Variants in FAM135B observed in about 807,000 individuals in gnomAD.
The protein encoded by FAM135B is protein FAM135B.
Under a neutral mutation model 127.7 loss-of-function variants are expected in FAM135B, and 43 were observed. The ratio of observed to expected loss-of-function variants is 0.34; its 90% confidence interval spans 0.26 to 0.43. FAM135B has a LOEUF of 0.43. FAM135B is among the 20% of genes least tolerant of loss of function. The pLI is 1.00. For missense variants in FAM135B, 1,558 were observed against 1,725.6 expected, an observed-to-expected ratio of 0.90 and a Z score of 1.72; for synonymous variants, 670 against 665.1, an observed-to-expected ratio of 1.01 and a Z score of -0.11.
intron 3 of FAM135B, among the ~76,000 whole-genome samples, chr8:138,278,543 T>C (rs1171355886): frequency 2.7e-5 from 4 of 146,160 alleles, no homozygotes; most frequent in South Asian, 4.4e-4. Flanking sequence ...TTTCCTATTA[T>C]AAGAACATGA....
At chr8:138,477,806 A>T (rs1676403419) in intron 1 of FAM135B, among the ~76,000 whole-genome samples, 1 of 152,226 alleles carries the variant, frequency 6.6e-6, no homozygotes, top group South Asian at 2.1e-4. Flanking sequence ...CCTGATTCAA[A>T]GAAATAAACT....
intron 5 of FAM135B, among the ~76,000 whole-genome samples, chr8:138,251,813 T>C (rs7828974): frequency 0.021 from 3,192 of 152,198 alleles, 81 homozygotes; most frequent in East Asian, 0.083. Flanking sequence ...AACCAGTCAT[T>C]TGGGCTGGGC....
intron 7 of FAM135B, 57 bp from the exon 8 acceptor site, chr8:138,197,726 C>T (rs2131142635): frequency 6.3e-7 from 1 of 1,585,046 alleles, no homozygotes; most frequent in Non-Finnish European, 8.6e-7. Context: ...CCAGGCAGCA[C>T]AGGGCTGTGA....
chr8:138,215,696 A>G (rs1311176033), intron 7 of FAM135B, among the ~76,000 whole-genome samples: 1 of 152,246 alleles, frequency 6.6e-6, no homozygotes, highest in Non-Finnish European at 1.5e-5. Flanking sequence ...ATCATGTTGC[A>G]TTAATTGATA....
At chr8:138,351,349 G>A (rs1331242668) in intron 2 of FAM135B, among the ~76,000 whole-genome samples, 1 of 152,142 alleles carries the variant, frequency 6.6e-6, no homozygotes, top group African/African-American at 2.4e-5. Context: ...GGGGAAGTTT[G>A]GACACAGAGG....
chr8:138,395,243 C>T (rs1304959673), intron 1 of FAM135B, among the ~76,000 whole-genome samples: 1 of 152,234 alleles, frequency 6.6e-6, no homozygotes. Context: ...CATTATCTCT[C>T]CTCTGTAGCC....
At chr8:138,332,363 G>A (rs61630821) in intron 2 of FAM135B, among the ~76,000 whole-genome samples, 3,733 of 152,136 alleles carry the variant, frequency 0.025, 68 homozygotes, top group East Asian at 0.12. Context: ...AAATATTTGC[G>A]TTTGCTACAA....
intron 2 of FAM135B, among the ~76,000 whole-genome samples, chr8:138,333,240 C>A (rs1828317200): frequency 6.6e-6 from 1 of 152,124 alleles, no homozygotes; most frequent in Admixed American, 6.5e-5. Context: ...GACAACTAAA[C>A]CTCGGACCCT....
Position 138,181,828 on chromosome 8 carries a change from G to A in FAM135B, c.874-3138C>T, listed in dbSNP as rs966902825. 3.3e-5 allele frequency among the ~76,000 whole-genome samples: 5 copies of A among 152,048 alleles called. No individual in the cohort carries two copies. In the East Asian group the frequency reaches 5.8e-4, roughly 18 times the overall value. ...GTGTAAGTCTAAGATCCTTCTTGAC[G>A]TCTACTTGACCTGCACGGGCACCAC... On this transcript the variant is annotated intron_variant, in intron 9 of 19. Transcript: ENST00000395297.
intron 1 of FAM135B, among the ~76,000 whole-genome samples, chr8:138,403,248 CCCT>C (rs1833252052): frequency 6.6e-6 from 1 of 152,144 alleles, no homozygotes. Context: ...CCCCTTCTCT[CCCT>C]CTTCCCATTC....
In FAM135B at chr8:138,255,948, C is replaced by A. The variant is rs146329246; in HGVS notation, c.368+741G>T. On this transcript the variant is annotated intron_variant, in intron 5 of 19. Coordinates refer to ENST00000395297, the MANE Select transcript of FAM135B (RefSeq NM_015912.4). ...GGGGGATATGAAGCCCCCTACCATG[C>A]CCTGTTCCTACACTGGGAGTTTTCT... 2.0e-5 allele frequency among the ~76,000 whole-genome samples: 3 copies of A among 152,260 alleles called. No individual in the cohort carries two copies. The East Asian group carries it at 5.8e-4, about 29-fold the overall frequency.
intron 1 of FAM135B, among the ~76,000 whole-genome samples, chr8:138,493,681 A>G (rs1364136124): frequency 6.6e-6 from 1 of 152,244 alleles, no homozygotes; most frequent in African/African-American, 2.4e-5. Context: ...GTGAAATTAG[A>G]CAAGGATTTT....
rs2130904306 is a variant in FAM135B, at chr8:138,168,067, G to A, written c.1104-18C>T. 6.2e-7 allele frequency: 1 copy of A among 1,603,930 alleles called. No individual in the cohort carries two copies. The stretch of plus-strand genomic sequence containing the variant: ...TCTGTATCCTGGGGAGCACATGGCA[G>A]GGTGAGCGTCCAGGGAAGAGTCAGA... On this transcript the variant is annotated intron_variant, in intron 11 of 19. Coordinates refer to ENST00000395297, the MANE Select transcript of FAM135B (RefSeq NM_015912.4).
rs763921039 is a variant in FAM135B, at chr8:138,151,274, G to C, written c.3201C>G (p.Thr1067=). 6.2e-7 allele frequency: 1 copy of C among 1,613,364 alleles called. No homozygotes were observed. Among genetic ancestry groups the C allele is most frequent in the Non-Finnish European group, 8.5e-7 (1 of 1,179,766 alleles). ...FSSKQTLFPI[T]HQPLGSFGVV... ...CTCCAAAGGATCCCAAAGGCTGATGGGTGATGGGAAACAGGGTCTGTTTGG... is the reference window on the plus strand; with the variant it reads ...CTCCAAAGGATCCCAAAGGCTGATGCGTGATGGGAAACAGGGTCTGTTTGG... The change falls in exon 13 of 20, where the codon ACC becomes ACG. Residue 1067 remains threonine (T), a synonymous_variant. Transcript: ENST00000395297.
intron 3 of FAM135B, among the ~76,000 whole-genome samples, chr8:138,307,599 T>C (rs965560968): frequency 1.3e-5 from 2 of 152,144 alleles, no homozygotes; most frequent in Admixed American, 1.3e-4. Flanking sequence ...TTTTATTAAC[T>C]GATAATATTA....
At chr8:138,470,026 G>A (rs1306430960) in intron 1 of FAM135B, among the ~76,000 whole-genome samples, 2 of 152,100 alleles carry the variant, frequency 1.3e-5, no homozygotes, top group Non-Finnish European at 2.9e-5. Flanking sequence ...CATTCTCCTC[G>A]ACATGGAGTA....
chr8:138,175,610 A>G (rs1489604411), intron 11 of FAM135B, among the ~76,000 whole-genome samples: 1 of 152,240 alleles, frequency 6.6e-6, no homozygotes, highest in East Asian at 1.9e-4. Flanking sequence ...GAAACTGGCC[A>G]TTGTGAAAAC....
intron 3 of FAM135B, among the ~76,000 whole-genome samples, chr8:138,289,135 T>A (rs10875423): frequency 0.68 from 103,828 of 152,118 alleles, 37,677 homozygotes; most frequent in Non-Finnish European, 0.83. Context: ...ACAGGTCCAG[T>A]TTCTCTGTAG....
intron 2 of FAM135B, among the ~76,000 whole-genome samples, chr8:138,327,832 C>T (rs959905954): frequency 6.6e-6 from 1 of 152,148 alleles, no homozygotes; most frequent in Admixed American, 6.6e-5. Flanking sequence ...AGAGTGGGAA[C>T]AGATTGCCTT....
Sources: allele counts gnomAD v4.1 joint callset (sites outside exome capture counted in the v4.1 genomes callset), GRCh38; gene constraint gnomAD v4.1.1; transcripts MANE v1.5; gene names NCBI Gene and HGNC (gene_info 2026-07-23, HGNC 2026-07-21).